XPO5: variants seen among roughly 807,000 people sequenced by gnomAD.
XPO5 encodes exportin 5.
Under a neutral mutation model 160.6 loss-of-function variants are expected in XPO5, and 46 were observed. That is an observed-to-expected ratio of 0.29 (90% CI 0.23 to 0.37). The LOEUF (loss-of-function observed/expected upper bound fraction) is 0.37. XPO5 is among the 10% of genes least tolerant of loss of function. XPO5 has a pLI of 1.00. For missense variants in XPO5, 1,090 were observed against 1,463.9 expected (o/e 0.74, Z 4.17); for synonymous variants, 537 against 519.3 (o/e 1.03, Z -0.46).
intron 23 of XPO5, chr6:43,529,332 A>AGAGAGC (rs1442979835): frequency 1.7e-6 from 1 of 601,110 alleles, no homozygotes; most frequent in East Asian, 5.5e-5. Context: ...CACGGGGTCA[A>AGAGAGC]GAGAGCGAGA....
chr6:43,525,187 C>T lies in XPO5; in HGVS notation c.3094G>A (p.Ala1032Thr). ...TCTTTCCAGGCCAGGGAATTGAAGG[C>T]TGTAATTAATAGCGCTGTACAAACA... ...EDVCTALLITAFNSLAWKDTL... is the reference protein window; with the variant it reads ...EDVCTALLITTFNSLAWKDTL... The change falls in exon 29 of 32, where the codon GCC becomes ACC. Residue 1032 changes from alanine (A) to threonine (T), a missense_variant. Around this residue, in one of 3 missense-constraint regions of XPO5, gnomAD observed 810 missense variants for 1,139.0 expected, o/e 0.71. Coordinates refer to ENST00000265351, the MANE Select transcript of XPO5 (RefSeq NM_020750.3). 6.3e-7 allele frequency: 1 copy of T among 1,581,874 alleles called. No individual in the cohort carries two copies. The highest frequency in any genetic ancestry group is 8.6e-7 in the Non-Finnish European group (1 of 1,163,234).
At chr6:43,569,287 C>T (rs1239581651) in intron 5 of XPO5, among the ~76,000 whole-genome samples, 1 of 142,178 alleles carries the variant, frequency 7.0e-6, no homozygotes, top group African/African-American at 2.6e-5. Flanking sequence ...AGTGAAACTC[C>T]GTCTCAAAAA....
intron 20 of XPO5, among the ~76,000 whole-genome samples, chr6:43,540,152 G>T (rs1012120850): frequency 7.9e-5 from 12 of 152,124 alleles, no homozygotes; most frequent in African/African-American, 2.9e-4. Context: ...TACTTTGAGA[G>T]GCCAAGGAGG....
intron 19 of XPO5, 91 bp downstream of exon 19, chr6:43,547,517 G>C: frequency 8.0e-7 from 1 of 1,247,242 alleles, no homozygotes; most frequent in Non-Finnish European, 1.2e-6. Flanking sequence ...CACCAGTATA[G>C]AAAAAACAAA....
At chr6:43,526,499 C>T (rs1793599186) in intron 27 of XPO5, 186 bp downstream of exon 27, 2 of 624,064 alleles carry the variant, frequency 3.2e-6, no homozygotes, top group Middle Eastern at 3.1e-4. Flanking sequence ...ACAGAGGAAA[C>T]AGCAAGTGCA....
At chr6:43,572,668 C>A in intron 2 of XPO5, 90 bp from the exon 3 acceptor site, 1 of 1,293,758 alleles carries the variant, frequency 7.7e-7, no homozygotes, top group Admixed American at 1.9e-5. Context: ...TTTGATTACA[C>A]TGGAGATTTC....
At chr6:43,550,577 A>G (rs1795180798) in intron 15 of XPO5, among the ~76,000 whole-genome samples, 1 of 152,230 alleles carries the variant, frequency 6.6e-6, no homozygotes, top group African/African-American at 2.4e-5. Context: ...TAATCACTTC[A>G]GTAAGACTTC....
At chr6:43,524,333 CAA>C in intron 31 of XPO5, 136 bp downstream of exon 31, 4 of 1,156,002 alleles carry the variant, frequency 3.5e-6, no homozygotes, top group South Asian at 3.5e-5. Flanking sequence ...GCCTGGGCAA[CAA>C]GAGTGAAACC....
chr6:43,522,547 G>A lies in XPO5; in HGVS notation c.*1321C>T, dbSNP rs534334921. 1.5e-5 allele frequency: 4 copies of A among 262,022 alleles called. No individual in the cohort carries two copies. The highest frequency in any genetic ancestry group is 3.3e-5 in the South Asian group (1 of 30,418). The allele number at this position is 262,022 out of a possible 1,614,324, so 16.2% of individuals were successfully genotyped here. A position where few individuals can be genotyped will look rare whatever the true frequency, so the allele number is the denominator to read the frequency against. On this transcript the variant is annotated 3_prime_UTR_variant, in exon 32 of 32. Transcript: ENST00000265351. ...TTTGGAGGGAAACACTCTTGAGATC[G>A]CCTTCACGATCCACAGAAACCCAGA... is the stretch of plus-strand genomic sequence containing the variant.
rs1218444765 is a variant in XPO5, at chr6:43,525,299, T to C, written c.3067-85A>G. On this transcript the variant is annotated intron_variant, in intron 28 of 31. Coordinates refer to ENST00000265351, the MANE Select transcript of XPO5 (RefSeq NM_020750.3). The stretch of plus-strand genomic sequence containing the variant: ...TATTACACATCAGGAGCCGGAGGGT[T>C]TTTTTTTTTTCCTCCCCCCCTCTAA... 2.4e-6 allele frequency: 3 copies of C among 1,257,852 alleles called. No individual in the cohort carries two copies. The African/African-American group carries it at 4.7e-5, about 20-fold the overall frequency. 77.9% of individuals were successfully genotyped at this position (1,257,852 alleles called of 1,614,324 possible).
rs944852141 is a variant in XPO5 at position 43,567,321 on chromosome 6, G to C, written c.682C>G (p.Leu228Val). 6.2e-7 allele frequency: 1 copy of C among 1,611,378 alleles called. No individual in the cohort carries two copies. The highest frequency in any genetic ancestry group is 8.5e-7 in the Non-Finnish European group (1 of 1,179,082). ...TCAATATAGCCTGCTAGAGTATTCA[G>C]TGCTGCAACTCCTACTCGACAGTTT... Reference protein sequence around the residue: ...QANCRVGVAALNTLAGYIDWV... With the variant: ...QANCRVGVAAVNTLAGYIDWV... The change falls in exon 7 of 32, where the codon CTG becomes GTG. Residue 228 changes from leucine (L) to valine (V), a missense_variant. Transcript: ENST00000265351.
intron 21 of XPO5, among the ~76,000 whole-genome samples, chr6:43,532,198 A>G (rs1794031946): frequency 6.6e-6 from 1 of 152,162 alleles, no homozygotes; most frequent in Admixed American, 6.5e-5. Context: ...CATTTCTTGG[A>G]ATTTCTACTT....
chr6:43,566,575 G>T, intron 7 of XPO5: 1 of 362,590 alleles, frequency 2.8e-6, no homozygotes, highest in East Asian at 8.1e-5. Context: ...TTAGGAGGCT[G>T]AGGAGGGCAG....
chr6:43,541,621 A>G (rs1489572524), intron 20 of XPO5, among the ~76,000 whole-genome samples: 1 of 143,694 alleles, frequency 7.0e-6, no homozygotes, highest in Non-Finnish European at 1.5e-5. Context: ...GCAATCGCCA[A>G]TGTACTTTCT....
In XPO5 at chr6:43,525,920, A is replaced by T. The variant is rs1176263461; in HGVS notation, c.2985T>A (p.Asp995Glu). The T allele has an allele frequency of 3.1e-6, 5 of 1,613,884 alleles. No homozygotes were observed. The South Asian group carries it at 3.3e-5, about 11-fold the overall frequency. Residue 995 changes from aspartate (D) to glutamate (E), a missense_variant and splice_region_variant, in exon 28 of 32, where the codon GAT (aspartate) becomes GAA (glutamate). Coordinates refer to ENST00000265351, the MANE Select transcript of XPO5 (RefSeq NM_020750.3). The stretch of plus-strand genomic sequence containing the variant: ...TGACCTCTGTGGCCATCATTTCTTC[A>T]TCTGTTATCAGAGAGTAGAATGTTA... Reference protein sequence around the residue: ...HSSAPPADGDDEEMMATEVTP... With the variant: ...HSSAPPADGDEEEMMATEVTP...
chr6:43,557,680 G>A (rs796458499), intron 12 of XPO5, among the ~76,000 whole-genome samples: 2 of 147,926 alleles, frequency 1.4e-5, no homozygotes, highest in African/African-American at 5.0e-5. Flanking sequence ...AAAATTGATT[G>A]TGGTGATGGC....
intron 19 of XPO5, 125 bp from the exon 20 acceptor site, chr6:43,546,877 C>G (rs1794989449): frequency 1.0e-6 from 1 of 972,950 alleles, no homozygotes; most frequent in South Asian, 1.9e-5. Flanking sequence ...AAATAATCCT[C>G]TGCTCCCCGG....
intron 13 of XPO5, chr6:43,553,715 A>T (rs1006401939): frequency 9.7e-7 from 1 of 1,029,210 alleles, no homozygotes; most frequent in African/African-American, 1.6e-5. Flanking sequence ...GGTTCCTACC[A>T]TGCCTCCTCC....
rs911643815 is a variant in XPO5 at position 43,567,304 on chromosome 6, G to A, written c.699C>T (p.Gly233=). The change falls in exon 7 of 32, where the codon GGC becomes GGT. Residue 233 remains glycine (G), a synonymous_variant. Transcript: ENST00000265351. ...VGVAALNTLA[G]YIDWVSMSHI... The stretch of plus-strand genomic sequence containing the variant: ...GACTCATAGACACCCAGTCAATATA[G>A]CCTGCTAGAGTATTCAGTGCTGCAA... 8 of 1,613,628 alleles carry A rather than the reference G, an allele frequency of 5.0e-6. No homozygotes were observed. In the South Asian group the frequency reaches 8.8e-5, roughly 18 times the overall value.
Sources: gnomAD v4.1 joint callset for allele counts (sites outside exome capture counted in the v4.1 genomes callset) on GRCh38, gnomAD v4.1.1 for gene constraint, gnomAD v4.1.1 regional missense constraint, MANE v1.5 for transcripts, NCBI Gene and HGNC (gene_info 2026-07-23, HGNC 2026-07-21) for gene names.